Variants in OMD observed in about 807,000 individuals in gnomAD.
The protein encoded by OMD is KSPG osteomodulin.
OMD carries 19 observed loss-of-function variants against 31.2 expected under a neutral mutation model. The observed-to-expected ratio is 0.61, with a 90% CI of 0.42 to 0.89. The LOEUF (loss-of-function observed/expected upper bound fraction) is 0.89. OMD is among the 40% of genes least tolerant of loss of function. The pLI is 0.00. For synonymous variants in OMD, 155 were observed against 166.4 expected (o/e 0.93, Z 0.53); for missense variants, 448 against 490.8 (o/e 0.91, Z 0.82).
chr9:92,415,219 T>G lies in OMD; in HGVS notation c.1199A>C (p.His400Pro), dbSNP rs904458532. 6.2e-7 allele frequency: 1 copy of G among 1,613,950 alleles called. No individual in the cohort carries two copies. Among genetic ancestry groups the G allele is most frequent in the Non-Finnish European group, 8.5e-7 (1 of 1,179,882 alleles). The change falls in exon 3 of 3, where the codon CAT (histidine) becomes CCT (proline). Residue 400 changes from histidine (H) to proline (P), a missense_variant. Physicochemically the swap from His to Pro is moderately conservative, Grantham distance 77. Coordinates refer to ENST00000375550, the MANE Select transcript of OMD (RefSeq NM_005014.3). The part of the protein sequence containing the change: ...SEDHDDPDNA[H>P]ESPEQEGAEG... ...TGCTCCTTCTTGTTCTGGGCTCTCATGAGCATTGTCAGGATCATCGTGATC... is the reference window on the plus strand; with the variant it reads ...TGCTCCTTCTTGTTCTGGGCTCTCAGGAGCATTGTCAGGATCATCGTGATC...
chr9:92,420,524 C>T (rs1843758380), intron 1 of OMD, among the ~76,000 whole-genome samples: 1 of 152,148 alleles, frequency 6.6e-6, no homozygotes, highest in East Asian at 1.9e-4. Flanking sequence ...AAGTGCTGTC[C>T]TGCTGCATTT....
At chr9:92,415,842 TA>T (rs539120131) in intron 2 of OMD, among the ~76,000 whole-genome samples, 4,663 of 146,178 alleles carry the variant, frequency 0.032, 110 homozygotes, top group South Asian at 0.082. Flanking sequence ...TACATATATA[TA>T]AAAAAATATA....
intron 1 of OMD, among the ~76,000 whole-genome samples, chr9:92,423,479 T>A (rs1373314555): frequency 6.6e-6 from 1 of 152,162 alleles, no homozygotes; most frequent in Non-Finnish European, 1.5e-5. Flanking sequence ...TTTTTATTTG[T>A]ATGACATAGA....
chr9:92,415,799 T>TTA (rs1327579343), intron 2 of OMD, among the ~76,000 whole-genome samples: 1 of 147,598 alleles, frequency 6.8e-6, no homozygotes, highest in Non-Finnish European at 1.5e-5. Context: ...TTTCTCTCTT[T>TTA]TATATATATA....
intron 2 of OMD, 32 bp downstream of exon 2, chr9:92,416,587 C>T (rs1843619239): frequency 1.6e-6 from 2 of 1,285,242 alleles, no homozygotes; most frequent in Admixed American, 2.4e-5. Context: ...TCCATTCTTT[C>T]TCTCTTCAAA....
In OMD at chr9:92,415,021, A is replaced by C; in HGVS notation, c.*131T>G. 1.5e-6 allele frequency: 1 copy of C among 646,802 alleles called. No individual in the cohort carries two copies. The highest frequency in any genetic ancestry group is 2.4e-6 in the Non-Finnish European group (1 of 409,118). 40.1% of individuals were successfully genotyped at this position (646,802 alleles called of 1,614,324 possible). On this transcript the variant is annotated 3_prime_UTR_variant, in exon 3 of 3. Coordinates refer to ENST00000375550, the MANE Select transcript of OMD (RefSeq NM_005014.3). The stretch of plus-strand genomic sequence containing the variant: ...ATGATGCAGATGTCACCAACAACTT[A>C]AATTCAATTCTGATCTTATACTAAT...
Position 92,415,168 on chromosome 9 carries a change from T to C in OMD, c.1250A>G (p.Tyr417Cys), listed in dbSNP as rs765551119. The C allele has an allele frequency of 6.9e-6, 11 of 1,605,688 alleles. No individual in the cohort carries two copies. Among genetic ancestry groups the C allele is most frequent in the Non-Finnish European group, 7.6e-6 (9 of 1,177,588 alleles). ...GAEGHFDLHY[Y>C]ENQE ...AGTTTCTTGCTATTCTTGATTTTCA[T>C]AATAATGAAGGTCAAAGTGCCCTTC... Residue 417 changes from tyrosine (Y) to cysteine (C), a missense_variant, in exon 3 of 3, where the codon TAT becomes TGT. Tyr to Cys is a radical substitution (Grantham distance 194, BLOSUM62 -2). Transcript: ENST00000375550.
chr9:92,416,780 T>A lies in OMD; in HGVS notation c.779A>T (p.His260Leu). The change falls in exon 2 of 3, where the codon CAT becomes CTT. Residue 260 changes from histidine to leucine, a missense_variant. His to Leu is a moderately conservative substitution (Grantham distance 99, BLOSUM62 -3). Transcript: ENST00000375550. Reference protein sequence around the residue: ...EKYFDKLPKLHTLRMSHNKLQ... With the variant: ...EKYFDKLPKLLTLRMSHNKLQ... ...TTTGTTGTGTGACATTCTTAGAGTA[T>A]GAAGTTTTGGAAGTTTGTCGAAGTA... 1 of 1,613,926 alleles carries A rather than the reference T, an allele frequency of 6.2e-7. No individual in the cohort carries two copies. Among genetic ancestry groups the A allele is most frequent in the Non-Finnish European group, 8.5e-7 (1 of 1,179,854 alleles).
intron 1 of OMD, among the ~76,000 whole-genome samples, chr9:92,419,850 T>C (rs943338713): frequency 1.2e-4 from 18 of 152,198 alleles, no homozygotes; most frequent in African/African-American, 4.3e-4. Context: ...CTCCTGTTCA[T>C]GTAGAATGGT....
At chr9:92,421,788 G>A (rs1843804209) in intron 1 of OMD, among the ~76,000 whole-genome samples, 1 of 152,152 alleles carries the variant, frequency 6.6e-6, no homozygotes, top group Non-Finnish European at 1.5e-5. Flanking sequence ...AAACAGCTTA[G>A]TGGAGGAGAG....
In OMD at chr9:92,415,260, A is replaced by G. The variant is rs773609260; in HGVS notation, c.1158T>C (p.Asp386=). 3 of 1,613,658 alleles carry G rather than the reference A, an allele frequency of 1.9e-6. No homozygotes were observed. Among genetic ancestry groups the G allele is most frequent in the Non-Finnish European group, 2.5e-6 (3 of 1,179,822 alleles). ...KTQVFRRFPD[D]DDESEDHDDP... Reference sequence around the variant, plus strand: ...CATCGTGATCTTCACTTTCATCATCATCATCTGGAAATCTCCTGAAAACTT... The same window carrying G: ...CATCGTGATCTTCACTTTCATCATCGTCATCTGGAAATCTCCTGAAAACTT... The change falls in exon 3 of 3, where the codon GAT becomes GAC. Residue 386 remains aspartate, a synonymous_variant. Coordinates refer to ENST00000375550, the MANE Select transcript of OMD (RefSeq NM_005014.3).
chr9:92,422,568 G>T (rs1354922413), intron 1 of OMD, among the ~76,000 whole-genome samples: 1 of 152,166 alleles, frequency 6.6e-6, no homozygotes, highest in Non-Finnish European at 1.5e-5. Context: ...CACCTAAGAA[G>T]AAAGTCTTTC....
intron 1 of OMD, among the ~76,000 whole-genome samples, chr9:92,418,757 G>A (rs909343158): frequency 2.0e-5 from 3 of 152,144 alleles, no homozygotes; most frequent in Admixed American, 1.3e-4. Flanking sequence ...TTTAGAAATA[G>A]TATTCATGTT....
Position 92,415,011 on chromosome 9 carries a change from CCAA to C in OMD, c.*138_*140del. On this transcript the variant is annotated 3_prime_UTR_variant, in exon 3 of 3. Transcript: ENST00000375550. The stretch of plus-strand genomic sequence containing the variant: ...ATCCTATGAAATGATGCAGATGTCA[CCAA>C]CAACTTAAATTCAATTCTGATCTTA... The C allele has an allele frequency of 3.4e-6, 2 of 585,776 alleles. No individual in the cohort carries two copies. The highest frequency in any genetic ancestry group is 5.6e-6 in the Non-Finnish European group (2 of 356,688). The allele number at this position is 585,776 out of a possible 1,614,324, so 36.3% of individuals were successfully genotyped here.
chr9:92,417,128 A>G lies in OMD; in HGVS notation c.431T>C (p.Leu144Pro). Reference protein sequence around the residue: ...YGVFAKLPNLLQLHLEHNNLE... With the variant: ...YGVFAKLPNLPQLHLEHNNLE... Reference sequence around the variant, plus strand: ...ATTATTATGCTCTAGATGAAGTTGTAGTAGATTTGGAAGCTTAGCAAACAC... The same window carrying G: ...ATTATTATGCTCTAGATGAAGTTGTGGTAGATTTGGAAGCTTAGCAAACAC... The change falls in exon 2 of 3, where the codon CTA becomes CCA. Residue 144 changes from leucine (L) to proline (P), a missense_variant. Physicochemically the swap from Leu to Pro is moderately conservative, Grantham distance 98. Coordinates refer to ENST00000375550, the MANE Select transcript of OMD (RefSeq NM_005014.3). The G allele has an allele frequency of 6.2e-7, 1 of 1,613,798 alleles. No individual in the cohort carries two copies.
At chr9:92,416,370 G>T (rs1032237151) in intron 2 of OMD, among the ~76,000 whole-genome samples, 1 of 151,904 alleles carries the variant, frequency 6.6e-6, no homozygotes, top group South Asian at 2.1e-4. Context: ...CTCCCAAAGT[G>T]CTCTGATTAC....
rs577671015 is a variant in OMD, at chr9:92,412,838, A to G, written c.*2314T>C. On this transcript the variant is annotated 3_prime_UTR_variant, in exon 3 of 3. Coordinates refer to ENST00000375550, the MANE Select transcript of OMD (RefSeq NM_005014.3). ...TATACCACATTTTGTTTATCCATTGATGGACATGTGGGTGATTTCTACCTT... is the reference window on the plus strand; with the variant it reads ...TATACCACATTTTGTTTATCCATTGGTGGACATGTGGGTGATTTCTACCTT... 4.6e-5 allele frequency among the ~76,000 whole-genome samples: 7 copies of G among 152,234 alleles called. No individual in the cohort carries two copies. The highest frequency in any genetic ancestry group is 1.7e-4 in the African/African-American group (7 of 41,534).
Position 92,415,556 on chromosome 9 carries a change from A to G in OMD, c.941-79T>C, listed in dbSNP as rs563386603. The G allele has an allele frequency of 1.6e-5, 11 of 702,612 alleles. No individual in the cohort carries two copies. The African/African-American group carries it at 2.0e-4, about 13-fold the overall frequency. 43.5% of individuals were successfully genotyped at this position (702,612 alleles called of 1,614,324 possible). A position where few individuals can be genotyped will look rare whatever the true frequency, so the allele number is the denominator to read the frequency against. On this transcript the variant is annotated intron_variant, in intron 2 of 2. Transcript: ENST00000375550. The stretch of plus-strand genomic sequence containing the variant: ...TAGCCATAATTCTATGTTAGATTTT[A>G]TATTGTATGGGATATAATTCTGTTA...
Position 92,415,001 on chromosome 9 carries a change from G to A in OMD, c.*151C>T, listed in dbSNP as rs1340785204. The A allele has an allele frequency of 3.7e-6, 2 of 535,232 alleles. No homozygotes were observed. The highest frequency in any genetic ancestry group is 6.4e-6 in the Non-Finnish European group (2 of 313,384). The allele number at this position is 535,232 out of a possible 1,614,324, so 33.2% of individuals were successfully genotyped here. A position where few individuals can be genotyped will look rare whatever the true frequency, so the allele number is the denominator to read the frequency against. The stretch of plus-strand genomic sequence containing the variant: ...GTAAGTTCTAATCCTATGAAATGAT[G>A]CAGATGTCACCAACAACTTAAATTC... On this transcript the variant is annotated 3_prime_UTR_variant, in exon 3 of 3. Transcript: ENST00000375550.
Sources: gnomAD v4.1 joint callset for allele counts (sites outside exome capture counted in the v4.1 genomes callset) on GRCh38, gnomAD v4.1.1 for gene constraint, MANE v1.5 for transcripts, NCBI Gene and HGNC (gene_info 2026-07-23, HGNC 2026-07-21) for gene names.